The following CFAP77 variants were observed in gnomAD, a reference collection of about 807,000 sequenced individuals.
CFAP77 encodes cilia- and flagella-associated protein 77.
CFAP77 carries 25 observed loss-of-function variants against 31.1 expected under a neutral mutation model. That is an observed-to-expected ratio of 0.80 (90% CI 0.59 to 1.12). The LOEUF (loss-of-function observed/expected upper bound fraction) is 1.12. Ranked by LOEUF, CFAP77 falls within the 50% of genes most tolerant of loss-of-function variation. The pLI, the probability that CFAP77 is intolerant of heterozygous loss-of-function variation, is 0.00. For missense variants in CFAP77, 377 were observed against 397.3 expected, an observed-to-expected ratio of 0.95 and a Z score of 0.44; for synonymous variants, 151 against 159.9, an observed-to-expected ratio of 0.94 and a Z score of 0.42.
intron 1 of CFAP77, among the ~76,000 whole-genome samples, chr9:132,415,110 C>T (rs1231463786): frequency 6.6e-6 from 1 of 152,148 alleles, no homozygotes; most frequent in East Asian, 1.9e-4. Flanking sequence ...AGTCCTTTTA[C>T]ATTCAATTAC....
In CFAP77 at chr9:132,496,120, C is replaced by T. The variant is rs187535169; in HGVS notation, c.196-2575C>T. On this transcript the variant is annotated intron_variant, in intron 1 of 5. Coordinates refer to ENST00000393216, the MANE Select transcript of CFAP77 (RefSeq NM_001282957.2). Reference sequence around the variant, plus strand: ...GAAAAGAAGAGTGAGGATAAAGATTCATGGGGTATACAAAAAAATCTCCAT... The same window carrying T: ...GAAAAGAAGAGTGAGGATAAAGATTTATGGGGTATACAAAAAAATCTCCAT... 3.2e-3 allele frequency among the ~76,000 whole-genome samples: 485 copies of T among 152,252 alleles called. 2 individuals carry two copies. Among genetic ancestry groups the T allele is most frequent in the Non-Finnish European group, 2.8e-3 (188 of 68,012 alleles).
At chr9:132,411,365 C>T (rs1849996088) in intron 1 of CFAP77, among the ~76,000 whole-genome samples, 1 of 152,202 alleles carries the variant, frequency 6.6e-6, no homozygotes, top group South Asian at 2.1e-4. Context: ...CTGAGTAGAG[C>T]CCAGAGGTGG....
chr9:132,415,261 C>T (rs1850075933), intron 1 of CFAP77, among the ~76,000 whole-genome samples: 1 of 152,152 alleles, frequency 6.6e-6, no homozygotes, highest in South Asian at 2.1e-4. Context: ...ACAACTCTCT[C>T]CCTCGTGGCC....
intron 1 of CFAP77, among the ~76,000 whole-genome samples, chr9:132,442,146 G>T (rs1850625286): frequency 1.3e-5 from 2 of 152,160 alleles, no homozygotes; most frequent in African/African-American, 2.4e-5. Flanking sequence ...TCCAAGACAA[G>T]CAGTGATATG....
intron 3 of CFAP77, among the ~76,000 whole-genome samples, chr9:132,510,031 C>G (rs559478257): frequency 2.0e-5 from 3 of 152,278 alleles, no homozygotes; most frequent in Non-Finnish European, 4.4e-5. Context: ...TCCTGTGGCC[C>G]GGACAGAGAT....
intron 1 of CFAP77, among the ~76,000 whole-genome samples, chr9:132,454,908 C>T (rs977724832): frequency 6.6e-6 from 1 of 152,198 alleles, no homozygotes; most frequent in African/African-American, 2.4e-5. Context: ...AAACCACACA[C>T]TGAGGCACTT....
rs148690761 is a variant in CFAP77, at chr9:132,553,968, A to G, written c.732+10921A>G. ...ATTCGTGTATACTAATAGTAGTAAT[A>G]ACAGTACAAGCCACCATGTCTTCAA... On this transcript the variant is annotated intron_variant, in intron 5 of 5. Coordinates refer to ENST00000393216, the MANE Select transcript of CFAP77 (RefSeq NM_001282957.2). 6.4e-3 allele frequency among the ~76,000 whole-genome samples: 972 copies of G among 152,364 alleles called. 6 individuals carry two copies. Among genetic ancestry groups the G allele is most frequent in the Non-Finnish European group, 0.01 (691 of 68,036 alleles).
intron 5 of CFAP77, among the ~76,000 whole-genome samples, chr9:132,551,928 C>T (rs556845767): frequency 2.0e-5 from 3 of 152,298 alleles, no homozygotes; most frequent in East Asian, 3.9e-4. Context: ...GTGTCGTGGC[C>T]GGGCCTGCTC....
Position 132,521,762 on chromosome 9 carries a change from CTTTT to C in CFAP77, c.525-15820_525-15817del, listed in dbSNP as rs774087426. Among the ~76,000 whole-genome samples, 11 of 62,564 alleles carry C rather than the reference CTTTT, an allele frequency of 1.8e-4. No homozygotes were observed. The East Asian group carries it at 3.5e-3, about 20-fold the overall frequency. 41.0% of individuals were successfully genotyped at this position (62,564 alleles called of 152,430 possible). ...GCTGAGAAAGACAGAAATAGACTTG[CTTTT>C]TTTTTTTTTTTTTTTTTTGAGATGA... On this transcript the variant is annotated intron_variant, in intron 3 of 5. Transcript: ENST00000393216.
intron 3 of CFAP77, among the ~76,000 whole-genome samples, chr9:132,530,157 T>TTTTTTTTTTTTTTG (rs1852415889): frequency 7.1e-6 from 1 of 140,618 alleles, no homozygotes; most frequent in Non-Finnish European, 1.6e-5. Flanking sequence ...TTTTTTTTTT[T>TTTTTTTTTTTTTTG]GGTTTTTGTA....
intron 1 of CFAP77, among the ~76,000 whole-genome samples, chr9:132,418,664 T>C (rs766189457): frequency 1.3e-5 from 2 of 152,272 alleles, no homozygotes; most frequent in Non-Finnish European, 2.9e-5. Flanking sequence ...GCCTCACCCA[T>C]GTTGTCGTTT....
chr9:132,531,060 G>T (rs1852438269), intron 3 of CFAP77, among the ~76,000 whole-genome samples: 3 of 152,152 alleles, frequency 2.0e-5, no homozygotes, highest in Admixed American at 2.0e-4. Context: ...TTCCTCCATT[G>T]AATTGCAATC....
At chr9:132,500,152 C>CAAA (rs563485823) in intron 3 of CFAP77, among the ~76,000 whole-genome samples, 1 of 84,874 alleles carries the variant, frequency 1.2e-5, no homozygotes. Flanking sequence ...ACCCTGTCTC[C>CAAA]AAAAAAAAAA....
intron 5 of CFAP77, among the ~76,000 whole-genome samples, chr9:132,562,730 C>G (rs1829831576): frequency 6.6e-6 from 1 of 151,636 alleles, no homozygotes; most frequent in Non-Finnish European, 1.5e-5. Flanking sequence ...GACAGAGTCT[C>G]GCTCAGTCTC....
At chr9:132,429,830 G>A (rs1339092207) in intron 1 of CFAP77, among the ~76,000 whole-genome samples, 15 of 152,166 alleles carry the variant, frequency 9.9e-5, no homozygotes, top group Admixed American at 9.2e-4. Flanking sequence ...CAGCCTGGGC[G>A]ACAGAGTGAG....
At chr9:132,436,408 C>T (rs1850504808) in intron 1 of CFAP77, among the ~76,000 whole-genome samples, 1 of 152,176 alleles carries the variant, frequency 6.6e-6, no homozygotes, top group South Asian at 2.1e-4. Context: ...TTCTTAATTG[C>T]ATTTGCAATG....
chr9:132,482,643 A>C lies in CFAP77; in HGVS notation c.196-16052A>C, dbSNP rs527580454. Among the ~76,000 whole-genome samples, 43 of 152,148 alleles carry C rather than the reference A, an allele frequency of 2.8e-4. No individual in the cohort carries two copies. The Middle Eastern group carries it at 0.02, about 72-fold the overall frequency. On this transcript the variant is annotated intron_variant, in intron 1 of 5. Transcript: ENST00000393216. The stretch of plus-strand genomic sequence containing the variant: ...GAGGCCAAGTAACTTGCTCAAAGTC[A>C]CACAGCAAAGAAGGATCAGAGTCCG...
chr9:132,460,836 C>T (rs1369120465), intron 1 of CFAP77, among the ~76,000 whole-genome samples: 2 of 152,166 alleles, frequency 1.3e-5, no homozygotes, highest in Non-Finnish European at 2.9e-5. Flanking sequence ...AATGATCCTC[C>T]TGCCTCAGCC....
chr9:132,541,154 C>T (rs977405120), intron 4 of CFAP77, among the ~76,000 whole-genome samples: 1 of 152,176 alleles, frequency 6.6e-6, no homozygotes, highest in Non-Finnish European at 1.5e-5. Flanking sequence ...CTGTAAGCAT[C>T]GGGGTATGTC....
Sources: gnomAD v4.1 joint callset for allele counts (sites outside exome capture counted in the v4.1 genomes callset) on GRCh38, gnomAD v4.1.1 for gene constraint, MANE v1.5 for transcripts, NCBI Gene and HGNC (gene_info 2026-07-23, HGNC 2026-07-21) for gene names.